Variants in STXBP5L observed in about 807,000 individuals in gnomAD.
The protein encoded by STXBP5L is syntaxin-binding protein 5-like.
A neutral mutation model predicts 144.5 loss-of-function variants in STXBP5L; 65 were observed. The observed-to-expected ratio is 0.45, with a 90% CI of 0.37 to 0.55. The LOEUF is 0.55. Among genes scored for constraint, STXBP5L ranks in the 20% least tolerant of loss-of-function variants. The pLI, the probability that STXBP5L is intolerant of heterozygous loss-of-function variation, is 0.00. For missense variants in STXBP5L, 1,298 were observed against 1,405.5 expected, an observed-to-expected ratio of 0.92 and a Z score of 1.22; for synonymous variants, 505 against 469.6, an observed-to-expected ratio of 1.08 and a Z score of -0.97.
intron 3 of STXBP5L, among the ~76,000 whole-genome samples, chr3:121,031,653 T>A (rs986151362): frequency 6.6e-6 from 1 of 152,084 alleles, no homozygotes; most frequent in Admixed American, 6.6e-5. Flanking sequence ...TCTGCTGATT[T>A]AAATATTAAT....
intron 20 of STXBP5L, among the ~76,000 whole-genome samples, chr3:121,367,600 T>G (rs2045899600): frequency 7.3e-6 from 1 of 137,746 alleles, no homozygotes; most frequent in Non-Finnish European, 1.6e-5. Context: ...CTCTTGTTTT[T>G]TTTTTTTTTT....
intron 20 of STXBP5L, among the ~76,000 whole-genome samples, chr3:121,351,889 G>C (rs1472661943): frequency 6.6e-6 from 1 of 152,094 alleles, no homozygotes; most frequent in Non-Finnish European, 1.5e-5. Flanking sequence ...TCCAGTTTCA[G>C]CTTTTTACAG....
intron 19 of STXBP5L, among the ~76,000 whole-genome samples, chr3:121,296,720 A>G (rs747160128): frequency 2.2e-4 from 33 of 152,168 alleles, no homozygotes; most frequent in Non-Finnish European, 4.1e-4. Flanking sequence ...TGAAAGGAAT[A>G]GAAAATAGCC....
chr3:121,296,412 A>G (rs2051650692), intron 19 of STXBP5L, among the ~76,000 whole-genome samples: 1 of 152,218 alleles, frequency 6.6e-6, no homozygotes. Context: ...ATATAAGTGA[A>G]AGAGGGGCTT....
chr3:121,394,602 G>GTTTT (rs373859677), intron 22 of STXBP5L, among the ~76,000 whole-genome samples: 25 of 99,738 alleles, frequency 2.5e-4, no homozygotes, highest in East Asian at 6.1e-4. Flanking sequence ...TTTGTTGAGG[G>GTTTT]TTTTTTTTTT....
At chr3:121,417,264 T>C (rs1367642500) in intron 25 of STXBP5L, among the ~76,000 whole-genome samples, 1 of 152,174 alleles carries the variant, frequency 6.6e-6, no homozygotes, top group African/African-American at 2.4e-5. Flanking sequence ...CGTACAACTT[T>C]GTGAATACAC....
intron 20 of STXBP5L, among the ~76,000 whole-genome samples, chr3:121,323,149 T>C (rs2044031698): frequency 6.6e-6 from 1 of 152,234 alleles, no homozygotes; most frequent in Admixed American, 6.5e-5. Context: ...AGTTTGTCTG[T>C]CCACCCTATT....
At chr3:121,243,561 A>C (rs1412599462) in intron 14 of STXBP5L, among the ~76,000 whole-genome samples, 2 of 151,118 alleles carry the variant, frequency 1.3e-5, no homozygotes, top group East Asian at 1.9e-4. Flanking sequence ...AAAAAAGTCC[A>C]GTAACTGATT....
intron 10 of STXBP5L, among the ~76,000 whole-genome samples, chr3:121,216,286 T>A (rs2048772784): frequency 6.6e-6 from 1 of 152,222 alleles, no homozygotes; most frequent in South Asian, 2.1e-4. Flanking sequence ...TTTTGGAAGT[T>A]TCAGCCTTTT....
At chr3:121,011,746 T>A (rs190722942) in intron 3 of STXBP5L, among the ~76,000 whole-genome samples, 4 of 152,010 alleles carry the variant, frequency 2.6e-5, no homozygotes, top group East Asian at 3.9e-4. Context: ...TGGACACTTA[T>A]AATGAATTTG....
At chr3:120,943,177 AATT>A (rs968674194) in intron 2 of STXBP5L, among the ~76,000 whole-genome samples, 17 of 151,906 alleles carry the variant, frequency 1.1e-4, no homozygotes, top group Non-Finnish European at 1.5e-4. Context: ...GTCAATTAAA[AATT>A]ATTATCACAG....
intron 3 of STXBP5L, among the ~76,000 whole-genome samples, chr3:120,984,788 T>A (rs934610319): frequency 3.9e-5 from 6 of 152,052 alleles, no homozygotes; most frequent in African/African-American, 1.4e-4. Context: ...ATGTATGATG[T>A]ATGCTGTGGG....
intron 5 of STXBP5L, among the ~76,000 whole-genome samples, chr3:121,089,186 AT>A (rs2042652984): frequency 6.8e-6 from 1 of 146,984 alleles, no homozygotes; most frequent in East Asian, 2.1e-4. Context: ...CATTTATTAT[AT>A]TTTTACTGTC....
At chr3:121,338,579 G>T (rs1327759822) in intron 20 of STXBP5L, among the ~76,000 whole-genome samples, 1 of 112,064 alleles carries the variant, frequency 8.9e-6, no homozygotes, top group East Asian at 3.2e-4. Flanking sequence ...GGAGGCAGAG[G>T]TTGCATTTCT....
intron 5 of STXBP5L, among the ~76,000 whole-genome samples, chr3:121,083,040 A>C (rs1400829065): frequency 6.6e-6 from 1 of 151,994 alleles, no homozygotes; most frequent in Non-Finnish European, 1.5e-5. Flanking sequence ...TACTAAAAAG[A>C]AATACAAAAA....
intron 25 of STXBP5L, among the ~76,000 whole-genome samples, chr3:121,416,482 T>C (rs9836788): frequency 3.0e-4 from 17 of 56,560 alleles, no homozygotes; most frequent in African/African-American, 5.5e-4. Context: ...TTTATTTATT[T>C]ATTTATTTAT....
chr3:121,022,384 A>G (rs764656933), intron 3 of STXBP5L, among the ~76,000 whole-genome samples: 1 of 152,160 alleles, frequency 6.6e-6, no homozygotes, highest in Non-Finnish European at 1.5e-5. Context: ...TATTGACACT[A>G]TTCTAAAAGA....
intron 9 of STXBP5L, among the ~76,000 whole-genome samples, chr3:121,176,594 A>G (rs895091798): frequency 6.6e-6 from 1 of 151,854 alleles, no homozygotes; most frequent in African/African-American, 2.4e-5. Context: ...TCAAAAATTT[A>G]AAAATTATGA....
intron 19 of STXBP5L, among the ~76,000 whole-genome samples, chr3:121,287,768 G>T (rs1267138422): frequency 1.3e-5 from 2 of 152,068 alleles, no homozygotes; most frequent in African/African-American, 4.8e-5. Flanking sequence ...GGCAGAGGTT[G>T]CAGTGAGCCG....
Sources: gnomAD v4.1 joint callset for allele counts (sites outside exome capture counted in the v4.1 genomes callset) on GRCh38, gnomAD v4.1.1 for gene constraint, MANE v1.5 for transcripts, NCBI Gene and HGNC (gene_info 2026-07-23, HGNC 2026-07-21) for gene names.